Variants in RPS6KA2 observed in about 807,000 individuals in gnomAD.
RPS6KA2 encodes the protein ribosomal protein S6 kinase alpha-2.
A neutral mutation model predicts 91.8 loss-of-function variants in RPS6KA2; 42 were observed. That is an observed-to-expected ratio of 0.46 (90% CI 0.36 to 0.59). The LOEUF (loss-of-function observed/expected upper bound fraction) is 0.59, where lower values mean the gene tolerates loss of function less well. RPS6KA2 is among the 20% of genes least tolerant of loss of function. RPS6KA2 has a pLI of 0.00. For missense variants in RPS6KA2, 798 were observed against 978.5 expected (o/e 0.82, Z 2.46); for synonymous variants, 414 against 393.6 (o/e 1.05, Z -0.61).
At chr6:166,660,228 C>G (rs1409999857) in intron 2 of RPS6KA2, among the ~76,000 whole-genome samples, 1 of 152,132 alleles carries the variant, frequency 6.6e-6, no homozygotes, top group Non-Finnish European at 1.5e-5. Flanking sequence ...CATAATTGTA[C>G]TGCCCATAAG....
intron 2 of RPS6KA2, among the ~76,000 whole-genome samples, chr6:166,784,327 A>C (rs4710097): frequency 0.12 from 586 of 4,862 alleles, 265 homozygotes; most frequent in Non-Finnish European, 0.86. Flanking sequence ...ACCTACGCAT[A>C]ACCACATATG....
At chr6:166,660,420 G>A (rs528946828) in intron 2 of RPS6KA2, among the ~76,000 whole-genome samples, 1 of 151,928 alleles carries the variant, frequency 6.6e-6, no homozygotes, top group South Asian at 2.1e-4. Context: ...GTGTGTGTGT[G>A]TGAGAGAGAG....
chr6:166,460,834 C>G (rs1764315776), intron 11 of RPS6KA2: 1 of 152,318 alleles, frequency 6.6e-6, no homozygotes, highest in African/African-American at 2.4e-5. Context: ...CATGGCCGTG[C>G]AGCTCTGGAA....
intron 2 of RPS6KA2, among the ~76,000 whole-genome samples, chr6:166,796,082 T>C (rs1281152795): frequency 6.6e-6 from 1 of 152,196 alleles, no homozygotes; most frequent in African/African-American, 2.4e-5. Flanking sequence ...GCTTTTCTTA[T>C]CTGATGGAAA....
rs1013706740 is a variant in RPS6KA2, at chr6:166,493,590, G to A, written c.748-2849C>T. 6.6e-6 allele frequency among the ~76,000 whole-genome samples: 1 copy of A among 151,948 alleles called. No homozygotes were observed. The highest frequency in any genetic ancestry group is 1.5e-5 in the Non-Finnish European group (1 of 68,002). ...CACTCCAAAGGATTCTTTCCCAATC[G>A]GCACCGAGACCAGGCTGCAGACAGG... On this transcript the variant is annotated intron_variant, in intron 8 of 20. Coordinates refer to ENST00000265678, the MANE Select transcript of RPS6KA2 (RefSeq NM_021135.6). The surrounding 1 kb of genome is among the most constrained non-coding windows in gnomAD (Gnocchi z 4.7).
intron 5 of RPS6KA2, among the ~76,000 whole-genome samples, chr6:166,505,657 C>T (rs11751521): frequency 0.029 from 4,488 of 152,314 alleles, 123 homozygotes; most frequent in Admixed American, 0.079. Flanking sequence ...GGCCGACAGC[C>T]GGGCACCCGC....
At chr6:166,805,870 T>C (rs1466506162) in intron 2 of RPS6KA2, among the ~76,000 whole-genome samples, 7 of 148,680 alleles carry the variant, frequency 4.7e-5, no homozygotes, top group African/African-American at 1.3e-4. Context: ...AAGGAAGACA[T>C]GGAAGAGCTT....
Position 166,508,512 on chromosome 6 carries a change from T to C in RPS6KA2, c.380-230A>G, listed in dbSNP as rs1782347252. ...TGTCGTTAGGGGGCCTTGAGATTTC[T>C]TTCATCTTTCTTTCCTCTCCCCTCC... On this transcript the variant is annotated intron_variant, in intron 4 of 20. Coordinates refer to ENST00000265678, the MANE Select transcript of RPS6KA2 (RefSeq NM_021135.6). The surrounding 1 kb of genome is among the most constrained non-coding windows in gnomAD (Gnocchi z 4.3). 6.6e-6 allele frequency among the ~76,000 whole-genome samples: 1 copy of C among 152,196 alleles called. No individual in the cohort carries two copies. The highest frequency in any genetic ancestry group is 2.4e-5 in the African/African-American group (1 of 41,460).
intron 1 of RPS6KA2, among the ~76,000 whole-genome samples, chr6:166,591,723 G>C (rs535814482): frequency 3.3e-5 from 5 of 152,200 alleles, no homozygotes; most frequent in Non-Finnish European, 5.9e-5. Flanking sequence ...AGGACTGTGA[G>C]AGCATAAACT....
intron 2 of RPS6KA2, among the ~76,000 whole-genome samples, chr6:166,682,581 G>T (rs1264306380): frequency 6.6e-6 from 1 of 152,196 alleles, no homozygotes; most frequent in Non-Finnish European, 1.5e-5. Context: ...AGAGTGAGAG[G>T]GAGGAGGGAC....
intron 1 of RPS6KA2, among the ~76,000 whole-genome samples, chr6:166,576,618 TG>T (rs1784843917): frequency 6.6e-6 from 1 of 152,204 alleles, no homozygotes; most frequent in African/African-American, 2.4e-5. Context: ...TTCAGGTATC[TG>T]GCGGAAGAAC....
chr6:166,434,449 G>A lies in RPS6KA2; in HGVS notation c.1333-1959C>T, dbSNP rs75006253. Among the ~76,000 whole-genome samples the A allele has an allele frequency of 0.017, 2,572 of 152,238 alleles. 80 individuals carry two copies. The highest frequency in any genetic ancestry group is 0.059 in the African/African-American group (2,456 of 41,518). On this transcript the variant is annotated intron_variant, in intron 14 of 20. Coordinates refer to ENST00000265678, the MANE Select transcript of RPS6KA2 (RefSeq NM_021135.6). The surrounding 1 kb of genome is among the most constrained non-coding windows in gnomAD (Gnocchi z 4.4). ...TTAAAACGATCATTCAAGGAGGGGT[G>A]GGGGACTTTCCCTAACATGCCACAG...
intron 2 of RPS6KA2, among the ~76,000 whole-genome samples, chr6:166,653,865 T>C (rs1787933683): frequency 6.6e-6 from 1 of 152,260 alleles, no homozygotes; most frequent in African/African-American, 2.4e-5. Flanking sequence ...ACATGTTCAT[T>C]AATACGTTTT....
rs1480397797 is a variant in RPS6KA2, at chr6:166,459,388, T to C, written c.1075+61A>G. ...CATGGGAATTTCTTGTTCCTAGATATCTGTCTCTAAGGGGTCAGGTGGGAG... is the reference window on the plus strand; with the variant it reads ...CATGGGAATTTCTTGTTCCTAGATACCTGTCTCTAAGGGGTCAGGTGGGAG... On this transcript the variant is annotated intron_variant, in intron 12 of 20. Transcript: ENST00000265678. The surrounding 1 kb of genome is among the most constrained non-coding windows in gnomAD (Gnocchi z 4.9). The C allele has an allele frequency of 1.0e-6, 1 of 956,344 alleles. No individual in the cohort carries two copies. Among genetic ancestry groups the C allele is most frequent in the African/African-American group, 1.6e-5 (1 of 61,694 alleles). 59.2% of individuals were successfully genotyped at this position (956,344 alleles called of 1,614,324 possible).
At chr6:166,778,910 C>T (rs1414170061) in intron 2 of RPS6KA2, among the ~76,000 whole-genome samples, 2 of 152,232 alleles carry the variant, frequency 1.3e-5, no homozygotes, top group East Asian at 1.9e-4. Flanking sequence ...AACTCTGGCC[C>T]GTTGCTATTG....
intron 16 of RPS6KA2, among the ~76,000 whole-genome samples, chr6:166,429,258 G>T (rs1424404532): frequency 2.8e-5 from 4 of 140,430 alleles, no homozygotes; most frequent in African/African-American, 8.0e-5. Flanking sequence ...GACACAGGAA[G>T]GGAAACATCA....
At position 166,748,606 on chromosome 6, in the gene RPS6KA2, ATTTC is replaced by A. The variant is rs1562416251; in HGVS notation, c.123+109590_123+109593del. 8.1e-3 allele frequency among the ~76,000 whole-genome samples: 247 copies of A among 30,406 alleles called. 6 individuals carry two copies. The highest frequency in any genetic ancestry group is 0.044 in the East Asian group (40 of 904). 19.9% of individuals were successfully genotyped at this position (30,406 alleles called of 152,430 possible). A position where few individuals can be genotyped will look rare whatever the true frequency, so the allele number is the denominator to read the frequency against. On this transcript the variant is annotated intron_variant, in intron 2 of 21. Transcript: ENST00000503859. ...CGGGCCCCCATTTCCTCAGGCCCCC[ATTTC>A]CCTGGGCCCCCACCTCCTCAGGCCC...
At chr6:166,561,902 C>T (rs2032546) in intron 1 of RPS6KA2, among the ~76,000 whole-genome samples, 33,385 of 151,904 alleles carry the variant, frequency 0.22, 4,045 homozygotes, top group Middle Eastern at 0.27. Flanking sequence ...GAGGAGAGAG[C>T]GGCCACCAGA....
chr6:166,413,934 G>C lies in RPS6KA2; in HGVS notation c.1939-3C>G, dbSNP rs1321101380. The C allele has an allele frequency of 6.2e-7, 1 of 1,613,262 alleles. No homozygotes were observed. The highest frequency in any genetic ancestry group is 8.5e-7 in the Non-Finnish European group (1 of 1,179,834). On this transcript the variant is annotated splice_polypyrimidine_tract_variant and splice_region_variant and intron_variant, in intron 19 of 20. Coordinates refer to ENST00000265678, the MANE Select transcript of RPS6KA2 (RefSeq NM_021135.6). ...TGGAGCATCTTGGACACGACGTCCT[G>C]CCAGGGAAGGTCATGAGAGTCGGGG...
Sources: allele counts gnomAD v4.1 joint callset (sites outside exome capture counted in the v4.1 genomes callset), GRCh38; gene constraint gnomAD v4.1.1; non-coding constraint Gnocchi (gnomAD v3.1); transcripts MANE v1.5; gene names NCBI Gene and HGNC (gene_info 2026-07-23, HGNC 2026-07-21).